MAST4: variants seen among roughly 807,000 people sequenced by gnomAD.
MAST4 encodes microtubule-associated serine/threonine-protein kinase 4.
A neutral mutation model predicts 162.7 loss-of-function variants in MAST4; 89 were observed. The ratio of observed to expected loss-of-function variants is 0.55; its 90% confidence interval spans 0.46 to 0.65. The LOEUF (loss-of-function observed/expected upper bound fraction) is 0.65. MAST4 is among the 30% of genes least tolerant of loss of function. The pLI, the probability that MAST4 is intolerant of heterozygous loss-of-function variation, is 0.00. For missense variants in MAST4, 3,153 were observed against 3,374.0 expected (o/e 0.93, Z 1.62); for synonymous variants, 1,479 against 1,361.1 (o/e 1.09, Z -1.91).
intron 4 of MAST4, among the ~76,000 whole-genome samples, chr5:66,915,766 G>A (rs987569966): frequency 2.6e-5 from 4 of 152,180 alleles, no homozygotes; most frequent in Non-Finnish European, 5.9e-5. Context: ...GCTCACTGCT[G>A]TCTCAGGGAC....
chr5:66,800,672 C>T (rs1322280514), intron 3 of MAST4, among the ~76,000 whole-genome samples: 1 of 152,074 alleles, frequency 6.6e-6, no homozygotes, highest in East Asian at 1.9e-4. Flanking sequence ...AACAAACCTG[C>T]ATTTGTACCC....
At chr5:66,812,490 G>A (rs144476051) in intron 3 of MAST4, among the ~76,000 whole-genome samples, 1 of 152,314 alleles carries the variant, frequency 6.6e-6, no homozygotes, top group East Asian at 1.9e-4. Flanking sequence ...AGAGCCACAC[G>A]GGTACAGCTT....
intron 4 of MAST4, among the ~76,000 whole-genome samples, chr5:66,917,804 A>G (rs1274158887): frequency 6.6e-6 from 1 of 152,068 alleles, no homozygotes; most frequent in African/African-American, 2.4e-5. Context: ...TTTTCTAGTG[A>G]CTTATAATTT....
chr5:66,665,519 T>A (rs1381379424), intron 1 of MAST4, among the ~76,000 whole-genome samples: 1 of 152,224 alleles, frequency 6.6e-6, no homozygotes, highest in Non-Finnish European at 1.5e-5. Flanking sequence ...TTTGCTCTAG[T>A]TTTAATAACA....
intron 1 of MAST4, among the ~76,000 whole-genome samples, chr5:66,667,840 GTCAAAATGCAA>G (rs1202218860): frequency 2.0e-5 from 3 of 152,086 alleles, no homozygotes; most frequent in Admixed American, 1.3e-4. Flanking sequence ...TATTCACCTT[GTCAAAATGCAA>G]TCCATTTTCA....
chr5:67,041,941 T>A (rs1756795136), intron 4 of MAST4, among the ~76,000 whole-genome samples: 1 of 152,226 alleles, frequency 6.6e-6, no homozygotes, highest in African/African-American at 2.4e-5. Context: ...ATTATTGATA[T>A]TATTATCCCT....
intron 1 of MAST4, among the ~76,000 whole-genome samples, chr5:66,745,343 A>T (rs1479316450): frequency 6.6e-6 from 1 of 152,188 alleles, no homozygotes; most frequent in Admixed American, 6.5e-5. Context: ...TTAAAGGCCC[A>T]CATTATGATG....
chr5:66,747,277 T>G (rs1301164906), intron 1 of MAST4, among the ~76,000 whole-genome samples: 1 of 152,158 alleles, frequency 6.6e-6, no homozygotes, highest in East Asian at 1.9e-4. Flanking sequence ...GTGCTACAGC[T>G]CTGTTTATGT....
intron 4 of MAST4, among the ~76,000 whole-genome samples, chr5:66,967,433 G>T (rs1746876907): frequency 6.6e-6 from 1 of 152,114 alleles, no homozygotes; most frequent in African/African-American, 2.4e-5. Flanking sequence ...CTTACGTTTT[G>T]TTTAGTATGT....
At chr5:66,986,134 G>A (rs1313465508) in intron 4 of MAST4, among the ~76,000 whole-genome samples, 5 of 152,206 alleles carry the variant, frequency 3.3e-5, no homozygotes, top group Admixed American at 1.3e-4. Flanking sequence ...TCACCAGGAT[G>A]TAGAAGTTTG....
intron 3 of MAST4, among the ~76,000 whole-genome samples, chr5:66,832,611 T>C (rs920063285): frequency 6.6e-6 from 1 of 152,206 alleles, no homozygotes; most frequent in Non-Finnish European, 1.5e-5. Context: ...GGTGCATGAA[T>C]GTATATTCAA....
At chr5:66,677,778 G>A (rs1048777599) in intron 1 of MAST4, among the ~76,000 whole-genome samples, 1 of 152,132 alleles carries the variant, frequency 6.6e-6, no homozygotes, top group Non-Finnish European at 1.5e-5. Context: ...AGAGAGATTA[G>A]AATAGCATCT....
At chr5:66,944,126 TTTCCTTC>T (rs1743691435) in intron 4 of MAST4, among the ~76,000 whole-genome samples, 1 of 152,190 alleles carries the variant, frequency 6.6e-6, no homozygotes, top group South Asian at 2.1e-4. Flanking sequence ...ACAATTCCTA[TTTCCTTC>T]TGAATATCTT....
At chr5:67,003,767 A>G (rs931536912) in intron 4 of MAST4, 2 of 152,174 alleles carry the variant, frequency 1.3e-5, no homozygotes, top group Non-Finnish European at 2.9e-5. Context: ...GGTCTAACGT[A>G]CTTGAAGGGG....
chr5:66,733,123 C>A (rs1438734068), intron 1 of MAST4, among the ~76,000 whole-genome samples: 1 of 152,146 alleles, frequency 6.6e-6, no homozygotes, highest in Non-Finnish European at 1.5e-5. Flanking sequence ...TCTGTCCCAA[C>A]CTTTGCTTTA....
intron 14 of MAST4, among the ~76,000 whole-genome samples, chr5:67,129,666 G>A (rs1246623425): frequency 1.3e-5 from 2 of 151,682 alleles, no homozygotes; most frequent in Non-Finnish European, 2.9e-5. Flanking sequence ...AGAGGTTGCA[G>A]TGAGCTGAGA....
At chr5:66,650,432 C>T (rs34370411) in intron 1 of MAST4, among the ~76,000 whole-genome samples, 34,134 of 151,898 alleles carry the variant, frequency 0.22, 4,241 homozygotes, top group Admixed American at 0.35. Context: ...TTCAAGCCAC[C>T]GATATGACAT....
At chr5:66,723,478 T>C (rs1751340782) in intron 1 of MAST4, among the ~76,000 whole-genome samples, 1 of 152,188 alleles carries the variant, frequency 6.6e-6, no homozygotes, top group Non-Finnish European at 1.5e-5. Flanking sequence ...ACTGCTGACT[T>C]TGCCCTTTCA....
chr5:67,055,937 AAAG>A (rs1758752000), intron 5 of MAST4, among the ~76,000 whole-genome samples: 1 of 151,840 alleles, frequency 6.6e-6, no homozygotes, highest in African/African-American at 2.4e-5. Flanking sequence ...GCGAGTCACA[AAAG>A]AATATTATGT....
Sources: allele counts gnomAD v4.1 joint callset (sites outside exome capture counted in the v4.1 genomes callset), GRCh38; gene constraint gnomAD v4.1.1; transcripts MANE v1.5; gene names NCBI Gene and HGNC (gene_info 2026-07-23, HGNC 2026-07-21).